CRISPLD2: variants seen among roughly 807,000 people sequenced by gnomAD.
CRISPLD2 encodes cysteine-rich secretory protein LCCL domain-containing 2.
In CRISPLD2, 47 loss-of-function variants were observed where a neutral mutation model predicts 71.1. The ratio of observed to expected loss-of-function variants is 0.66; its 90% CI spans 0.52 to 0.84. CRISPLD2 has a LOEUF of 0.84. Among genes scored for constraint, CRISPLD2 ranks in the 40% least tolerant of loss-of-function variants. CRISPLD2 has a pLI of 0.00. For missense variants in CRISPLD2, 830 were observed against 651.1 expected (o/e 1.27, Z -2.99); for synonymous variants, 317 against 250.1 (o/e 1.27, Z -2.52).
intron 2 of CRISPLD2, 48 bp downstream of exon 2, chr16:84,838,783 G>A (rs770965222): frequency 7.0e-6 from 11 of 1,571,640 alleles, no homozygotes; most frequent in Middle Eastern, 3.5e-4. Context: ...GGTGGGGCCT[G>A]GGCCACCAGC....
chr16:84,843,963 G>A (rs1313048966), intron 2 of CRISPLD2, among the ~76,000 whole-genome samples: 2 of 152,338 alleles, frequency 1.3e-5, no homozygotes, highest in Middle Eastern at 3.4e-3. Flanking sequence ...ACTCCCTGCT[G>A]GGGGGTCCCA....
chr16:84,892,502 A>G (rs995052591), intron 14 of CRISPLD2, among the ~76,000 whole-genome samples: 2 of 152,250 alleles, frequency 1.3e-5, no homozygotes, highest in Middle Eastern at 3.4e-3. Context: ...AGGGATTTTC[A>G]GTGACCCAAC....
chr16:84,827,783 TC>T (rs1012950970), intron 1 of CRISPLD2, among the ~76,000 whole-genome samples: 36 of 152,134 alleles, frequency 2.4e-4, no homozygotes, highest in African/African-American at 8.4e-4. Flanking sequence ...GCCAGGCTGG[TC>T]TCGAACTCCT....
chr16:84,853,040 C>T (rs1457440055), intron 5 of CRISPLD2, among the ~76,000 whole-genome samples: 1 of 152,178 alleles, frequency 6.6e-6, no homozygotes, highest in Non-Finnish European at 1.5e-5. Flanking sequence ...GCACTCCAGC[C>T]TGGGTGACAG....
At chr16:84,905,468 T>C (rs925089341) in intron 14 of CRISPLD2, among the ~76,000 whole-genome samples, 3 of 152,116 alleles carry the variant, frequency 2.0e-5, no homozygotes, top group African/African-American at 7.2e-5. Flanking sequence ...GGCAGAATCT[T>C]GGCTCACTGC....
intron 3 of CRISPLD2, chr16:84,846,188 T>G (rs1031143520): frequency 2.1e-4 from 57 of 268,014 alleles, no homozygotes; most frequent in Non-Finnish European, 1.1e-4. Context: ...CTTCCTTTCC[T>G]TCCTTCCTTC....
At chr16:84,820,238 A>T (rs185381613) in intron 1 of CRISPLD2, 105 bp downstream of exon 1, 1 of 152,110 alleles carries the variant, frequency 6.6e-6, no homozygotes, top group East Asian at 1.9e-4. Context: ...GTGTGCTGGC[A>T]CCACACCGAG....
intron 6 of CRISPLD2, among the ~76,000 whole-genome samples, chr16:84,864,504 C>T (rs1168773178): frequency 2.6e-5 from 4 of 152,204 alleles, no homozygotes; most frequent in East Asian, 1.9e-4. Context: ...GCCTCATTGA[C>T]GGGAAGAACA....
At position 84,871,870 on chromosome 16, in the gene CRISPLD2, GAAAAAAAAAAAAA is replaced by G. The variant is rs56328159; in HGVS notation, c.915-555_915-543del. Among the ~76,000 whole-genome samples, 268 of 100,054 alleles carry G rather than the reference GAAAAAAAAAAAAA, an allele frequency of 2.7e-3. 3 individuals carry two copies. The highest frequency in any genetic ancestry group is 5.3e-3 in the Admixed American group (51 of 9,608). The allele number at this position is 100,054 out of a possible 152,430, so 65.6% of individuals were successfully genotyped here. ...CCTGGCCTTGTTTTTTTTCAAATGA[GAAAAAAAAAAAAA>G]AAAAAAAAAAAAAAAAGACTATGGT... On this transcript the variant is annotated intron_variant, in intron 8 of 14. Coordinates refer to ENST00000262424, the MANE Select transcript of CRISPLD2 (RefSeq NM_031476.4).
chr16:84,870,247 A>C (rs1459159355), intron 8 of CRISPLD2, among the ~76,000 whole-genome samples: 2 of 149,152 alleles, frequency 1.3e-5, no homozygotes, highest in Admixed American at 6.7e-5. Flanking sequence ...CATCAATACC[A>C]GCAGCAATTT....
Position 84,892,696 on chromosome 16 carries a change from C to T in CRISPLD2, c.1439+3333C>T, listed in dbSNP as rs548362862. On this transcript the variant is annotated intron_variant, in intron 14 of 14. Transcript: ENST00000262424. The stretch of plus-strand genomic sequence containing the variant: ...TATTTTGCTACTAAGAGTCATTCAG[C>T]CAGGCGTGGTGGCTCACACCTGTAA... Among the ~76,000 whole-genome samples, 8 of 152,174 alleles carry T rather than the reference C, an allele frequency of 5.3e-5. No individual in the cohort carries two copies. The South Asian group carries it at 1.2e-3, about 24-fold the overall frequency.
intron 8 of CRISPLD2, among the ~76,000 whole-genome samples, chr16:84,870,614 G>C (rs1222846692): frequency 6.6e-6 from 1 of 152,124 alleles, no homozygotes; most frequent in Admixed American, 6.5e-5. Context: ...ACTGCGCCTA[G>C]GCTGCTTATG....
At chr16:84,821,983 CAGATTCTGGGG>C (rs1916241490) in intron 1 of CRISPLD2, among the ~76,000 whole-genome samples, 1 of 152,248 alleles carries the variant, frequency 6.6e-6, no homozygotes, top group Non-Finnish European at 1.5e-5. Flanking sequence ...GGCCCTGCCC[CAGATTCTGGGG>C]GAAGGTGCCC....
intron 6 of CRISPLD2, among the ~76,000 whole-genome samples, chr16:84,857,522 C>A (rs112081645): frequency 2.6e-5 from 4 of 152,318 alleles, no homozygotes; most frequent in Middle Eastern, 3.4e-3. Flanking sequence ...AGTATATAAT[C>A]GCACATCTGG....
intron 14 of CRISPLD2, among the ~76,000 whole-genome samples, chr16:84,890,119 G>A (rs2071648405): frequency 6.6e-6 from 1 of 152,186 alleles, no homozygotes; most frequent in Non-Finnish European, 1.5e-5. Context: ...AGCACTTTGG[G>A]AGGCCGAGGC....
chr16:84,865,310 C>T (rs1023125168), intron 6 of CRISPLD2, among the ~76,000 whole-genome samples: 1 of 152,196 alleles, frequency 6.6e-6, no homozygotes, highest in East Asian at 1.9e-4. Flanking sequence ...CACCCGCCAT[C>T]ATGCCCAGCT....
intron 13 of CRISPLD2, among the ~76,000 whole-genome samples, chr16:84,887,505 A>G (rs917050222): frequency 3.3e-5 from 5 of 152,226 alleles, no homozygotes; most frequent in African/African-American, 9.6e-5. Flanking sequence ...GGGACTGATC[A>G]GGCGAGTCCG....
chr16:84,830,597 G>A (rs182811608), intron 1 of CRISPLD2, among the ~76,000 whole-genome samples: 10 of 152,154 alleles, frequency 6.6e-5, no homozygotes, highest in East Asian at 1.9e-4. Flanking sequence ...CAGCTACTCC[G>A]GAGGTTGAGA....
intron 3 of CRISPLD2, among the ~76,000 whole-genome samples, chr16:84,848,598 G>C (rs564597985): frequency 2.0e-5 from 3 of 152,038 alleles, no homozygotes; most frequent in Non-Finnish European, 2.9e-5. Context: ...GCACCACCTC[G>C]CCCGGCTAAT....
Sources: allele counts gnomAD v4.1 joint callset (sites outside exome capture counted in the v4.1 genomes callset), GRCh38; gene constraint gnomAD v4.1.1; transcripts MANE v1.5; gene names NCBI Gene and HGNC (gene_info 2026-07-23, HGNC 2026-07-21).